The following TNS1 variants were observed in gnomAD, a reference collection of about 807,000 sequenced individuals.
TNS1 encodes the protein tensin 1.
TNS1 carries 62 observed loss-of-function variants against 168.6 expected under a neutral mutation model. The observed-to-expected ratio is 0.37, with a 90% CI of 0.30 to 0.45. The LOEUF is 0.45. Ranked by LOEUF, TNS1 falls within the 20% of genes least tolerant of loss-of-function variation. The pLI is 1.00. For synonymous variants in TNS1, 934 were observed against 933.2 expected, an observed-to-expected ratio of 1.00 and a Z score of -0.02; for missense variants, 2,240 against 2,339.4, an observed-to-expected ratio of 0.96 and a Z score of 0.88.
chr2:217,898,940 ACCT>A (rs1273314800), intron 7 of TNS1, among the ~76,000 whole-genome samples: 1 of 152,014 alleles, frequency 6.6e-6, no homozygotes, highest in African/African-American at 2.4e-5. Context: ...CCAATCATTG[ACCT>A]CCTAGTGTCT....
At position 217,822,968 on chromosome 2, in the gene TNS1, C is replaced by A. The variant is rs533825125; in HGVS notation, c.3374-1030G>T. ...CCTGTCTTACCCAGGAGGAACCTGG[C>A]CTGAGTACAGAGCCATACTGCCCAC... On this transcript the variant is annotated intron_variant, in intron 22 of 32. Transcript: ENST00000682258. Among the ~76,000 whole-genome samples the A allele has an allele frequency of 2.6e-5, 4 of 152,334 alleles. No homozygotes were observed. In the South Asian group the frequency reaches 8.3e-4, roughly 32 times the overall value.
chr2:218,031,423 A>T (rs1221011861), intron 1 of TNS1, among the ~76,000 whole-genome samples: 2 of 130,002 alleles, frequency 1.5e-5, no homozygotes, highest in Non-Finnish European at 3.3e-5. Flanking sequence ...ACCTGTGTGT[A>T]TAAGTGTGTG....
At chr2:217,842,887 T>C (rs892242442) in intron 19 of TNS1, among the ~76,000 whole-genome samples, 3 of 152,166 alleles carry the variant, frequency 2.0e-5, no homozygotes, top group African/African-American at 4.8e-5. Context: ...GATCATCCCA[T>C]GTAAAGTGCA....
chr2:217,973,602 G>A (rs180674240), intron 3 of TNS1, among the ~76,000 whole-genome samples: 10 of 152,196 alleles, frequency 6.6e-5, no homozygotes, highest in Admixed American at 2.0e-4. Context: ...ATGCTTTCAC[G>A]CTTGTTCTCT....
At chr2:218,016,609 A>G (rs991377983) in intron 1 of TNS1, among the ~76,000 whole-genome samples, 8 of 152,206 alleles carry the variant, frequency 5.3e-5, no homozygotes, top group African/African-American at 1.9e-4. Flanking sequence ...AGATAGCCAG[A>G]GAACTGTGAT....
intron 1 of TNS1, among the ~76,000 whole-genome samples, chr2:218,009,163 C>A (rs1195316023): frequency 6.6e-6 from 1 of 152,208 alleles, no homozygotes; most frequent in Admixed American, 6.5e-5. Context: ...AGGGGACCGT[C>A]CCTGCCCCAA....
intron 19 of TNS1, among the ~76,000 whole-genome samples, 197 bp from the exon 20 acceptor site, chr2:217,836,408 G>A (rs73992636): frequency 4.4e-4 from 67 of 152,260 alleles, no homozygotes; most frequent in African/African-American, 1.5e-3. Flanking sequence ...TGCAGGAGAG[G>A]GGATCTGCTT....
At chr2:217,923,683 AAAGCTTAGTTACTGTACC>A (rs1159603121) in intron 3 of TNS1, among the ~76,000 whole-genome samples, 1 of 152,202 alleles carries the variant, frequency 6.6e-6, no homozygotes, top group African/African-American at 2.4e-5. Context: ...CATACTAACC[AAAGCTTAGTTACTGTACC>A]AAGCCCTTTG....
intron 4 of TNS1, among the ~76,000 whole-genome samples, chr2:217,910,572 C>T (rs1450609489): frequency 6.6e-6 from 1 of 152,048 alleles, no homozygotes; most frequent in Non-Finnish European, 1.5e-5. Flanking sequence ...TGCAGGGAGG[C>T]CGGGGCCAGT....
In TNS1 at chr2:217,817,759, T is replaced by C. The variant is rs1942123788; in HGVS notation, c.4573A>G (p.Ser1525Gly). 3 of 1,613,730 alleles carry C rather than the reference T, an allele frequency of 1.9e-6. No individual in the cohort carries two copies. The highest frequency in any genetic ancestry group is 2.2e-5 in the South Asian group (2 of 91,076). ...GAGACGGTGCTGCCCCCACTGGGACTGGACATGCCGCTGGCGACAGGCGAA... is the reference window on the plus strand; with the variant it reads ...GAGACGGTGCTGCCCCCACTGGGACCGGACATGCCGCTGGCGACAGGCGAA... Reference protein sequence around the residue: ...VSSPVASGMSSPSGGSTVSFS... With the variant: ...VSSPVASGMSGPSGGSTVSFS... Residue 1525 changes from serine to glycine, a missense_variant, in exon 24 of 33, where the codon AGT becomes GGT. By Grantham distance (56) the Ser-to-Gly change is moderately conservative. This residue lies in a region of TNS1 where 2,131 missense variants were observed against 2,171.2 expected (regional missense o/e 0.98). Transcript: ENST00000682258.
At chr2:217,974,927 T>G (rs1957857592) in intron 3 of TNS1, among the ~76,000 whole-genome samples, 1 of 152,182 alleles carries the variant, frequency 6.6e-6, no homozygotes, top group Non-Finnish European at 1.5e-5. Flanking sequence ...ATTCAAGCCC[T>G]TATGTAGATT....
At chr2:217,866,724 G>A (rs1175602129) in intron 18 of TNS1, among the ~76,000 whole-genome samples, 1 of 152,184 alleles carries the variant, frequency 6.6e-6, no homozygotes, top group African/African-American at 2.4e-5. Flanking sequence ...CAGAGGGAGG[G>A]GACAGGGAGA....
chr2:217,926,303 C>T (rs575100063), intron 3 of TNS1, among the ~76,000 whole-genome samples: 1 of 152,298 alleles, frequency 6.6e-6, no homozygotes, highest in Admixed American at 6.5e-5. Flanking sequence ...GACTAATACC[C>T]TTAGCATCAT....
chr2:218,021,325 G>T (rs1037002741), intron 1 of TNS1, among the ~76,000 whole-genome samples: 6 of 152,218 alleles, frequency 3.9e-5, no homozygotes, highest in African/African-American at 1.4e-4. Context: ...AAGGGATGGG[G>T]ACTGCTGAAC....
chr2:217,949,897 T>C (rs1424096196), intron 3 of TNS1, among the ~76,000 whole-genome samples: 2 of 152,218 alleles, frequency 1.3e-5, no homozygotes, highest in African/African-American at 2.4e-5. Flanking sequence ...ATAAAAAACC[T>C]GAATCGATAA....
chr2:217,924,094 C>T (rs1955880019), intron 3 of TNS1, among the ~76,000 whole-genome samples: 2 of 152,280 alleles, frequency 1.3e-5, no homozygotes, highest in Non-Finnish European at 2.9e-5. Context: ...CCCCCTTGTC[C>T]GGGACCCGAA....
chr2:217,831,422 C>T, intron 22 of TNS1, 33 bp downstream of exon 22: 1 of 1,530,318 alleles, frequency 6.5e-7, no homozygotes, highest in South Asian at 1.2e-5. Context: ...CTCCCCCTGG[C>T]CCCCCTCCCC....
chr2:217,848,733 C>A lies in TNS1; in HGVS notation c.1784G>T (p.Gly595Val). The A allele has an allele frequency of 6.2e-7, 1 of 1,614,186 alleles. No individual in the cohort carries two copies. The highest frequency in any genetic ancestry group is 8.5e-7 in the Non-Finnish European group (1 of 1,180,024). Reference protein sequence around the residue: ...TQHLRSRPAGGSAVPSSGRHV... With the variant: ...TQHLRSRPAGVSAVPSSGRHV... Reference sequence around the variant, plus strand: ...GCGTCCAGAGGAGGGCACAGCCGAGCCCCCTGCTGGGCGGGACCTGAGGTG... The same window carrying A: ...GCGTCCAGAGGAGGGCACAGCCGAGACCCCTGCTGGGCGGGACCTGAGGTG... The change falls in exon 19 of 33, where the codon GGC becomes GTC. Residue 595 changes from glycine (G) to valine (V), a missense_variant. Gly to Val is a moderately radical substitution (Grantham distance 109). Coordinates refer to ENST00000682258, the MANE Select transcript of TNS1 (RefSeq NM_001387777.1).
At chr2:217,850,769 C>T (rs1427304152) in intron 18 of TNS1, among the ~76,000 whole-genome samples, 2 of 152,056 alleles carry the variant, frequency 1.3e-5, no homozygotes, top group Admixed American at 1.3e-4. Flanking sequence ...TCACCCAAAT[C>T]AGAAACACCC....
Sources: allele counts gnomAD v4.1 joint callset (sites outside exome capture counted in the v4.1 genomes callset), GRCh38; gene constraint gnomAD v4.1.1; regional missense constraint gnomAD v4.1.1; transcripts MANE v1.5; gene names NCBI Gene and HGNC (gene_info 2026-07-23, HGNC 2026-07-21).